Variants in SARNP observed in about 807,000 individuals in gnomAD.
The protein encoded by SARNP is SAP domain containing ribonucleoprotein, also known as SAP domain-containing ribonucleoprotein.
SARNP carries 5 observed loss-of-function variants against 38.1 expected under a neutral mutation model. The ratio of observed to expected loss-of-function variants is 0.13; its 90% CI spans 0.07 to 0.28. The LOEUF (loss-of-function observed/expected upper bound fraction) is 0.28. Among genes scored for constraint, SARNP ranks in the 10% least tolerant of loss-of-function variants. SARNP has a pLI of 1.00. For synonymous variants in SARNP, 84 were observed against 80.6 expected, an observed-to-expected ratio of 1.04 and a Z score of -0.23; for missense variants, 180 against 243.9, an observed-to-expected ratio of 0.74 and a Z score of 1.75.
intron 1 of SARNP, among the ~76,000 whole-genome samples, chr12:55,816,995 T>C (rs1880508918): frequency 1.3e-5 from 2 of 152,046 alleles, no homozygotes; most frequent in Non-Finnish European, 2.9e-5. Flanking sequence ...GGAGATGGTG[T>C]GTGAGGAAGG....
At chr12:55,785,643 C>T (rs182817143) in intron 9 of SARNP, among the ~76,000 whole-genome samples, 7 of 151,936 alleles carry the variant, frequency 4.6e-5, no homozygotes, top group East Asian at 1.9e-4. Context: ...GGCATGGTGG[C>T]GCACTCCCAT....
chr12:55,754,251 A>G (rs1878432770), downstream of SARNP: 1 of 152,198 alleles, frequency 6.6e-6, no homozygotes, highest in Non-Finnish European at 1.5e-5. Flanking sequence ...TTTGTTTCCT[A>G]TATTGAGAGA....
rs565117560 is a variant in SARNP, at chr12:55,757,558, AAAG to A, written c.592-8_592-6del. 12,630 of 1,607,792 alleles carry A rather than the reference AAAG, an allele frequency of 7.9e-3. 62 individuals are homozygous for A. Among genetic ancestry groups the A allele is most frequent in the Non-Finnish European group, 8.4e-3 (9,926 of 1,178,236 alleles). ...TGCTCTTTTCCTCTTCTTTGCCTGTAAAGAAGAAGCAAGAAGAAAAAAATTAGA... is the reference window on the plus strand; with the variant it reads ...TGCTCTTTTCCTCTTCTTTGCCTGTAAAGAAGCAAGAAGAAAAAAATTAGA... On this transcript the variant is annotated splice_polypyrimidine_tract_variant and splice_region_variant and intron_variant, in intron 10 of 10. Transcript: ENST00000336133.
intron 9 of SARNP, among the ~76,000 whole-genome samples, chr12:55,767,848 G>GAA (rs767928003): frequency 1.0e-3 from 36 of 35,346 alleles, no homozygotes; most frequent in East Asian, 1.6e-3. Flanking sequence ...CTCCCTCTCA[G>GAA]AAAAAAAAAA....
chr12:55,806,543 G>A (rs565799384), intron 1 of SARNP, among the ~76,000 whole-genome samples: 2 of 151,886 alleles, frequency 1.3e-5, no homozygotes, highest in South Asian at 4.2e-4. Context: ...CCAAAGTTCT[G>A]GGATTACAGG....
intron 9 of SARNP, among the ~76,000 whole-genome samples, chr12:55,788,740 C>CA: frequency 6.6e-6 from 1 of 152,066 alleles, no homozygotes; most frequent in South Asian, 2.1e-4. Context: ...GTCAAGCCTG[C>CA]AGTGAGCCGT....
chr12:55,797,827 C>G (rs1879863504), intron 4 of SARNP, among the ~76,000 whole-genome samples: 1 of 152,128 alleles, frequency 6.6e-6, no homozygotes, highest in Non-Finnish European at 1.5e-5. Flanking sequence ...ATACAGAGAC[C>G]CAGAATCTTT....
At chr12:55,776,222 T>C (rs570241424) in intron 9 of SARNP, among the ~76,000 whole-genome samples, 2 of 152,232 alleles carry the variant, frequency 1.3e-5, no homozygotes, top group Non-Finnish European at 2.9e-5. Flanking sequence ...GAGGACTCCT[T>C]GAGCCCAGGA....
At chr12:55,788,273 T>C (rs1250633031) in intron 9 of SARNP, among the ~76,000 whole-genome samples, 3 of 152,130 alleles carry the variant, frequency 2.0e-5, no homozygotes, top group African/African-American at 7.2e-5. Context: ...AACAAAGTCA[T>C]CTTGCTTAAT....
chr12:55,807,296 C>G (rs1880176721), intron 1 of SARNP, among the ~76,000 whole-genome samples: 1 of 152,182 alleles, frequency 6.6e-6, no homozygotes, highest in Non-Finnish European at 1.5e-5. Context: ...TAACCAGGAA[C>G]AGCTAGTTCA....
At chr12:55,811,043 C>T (rs1379734726) in intron 1 of SARNP, among the ~76,000 whole-genome samples, 1 of 150,714 alleles carries the variant, frequency 6.6e-6, no homozygotes, top group African/African-American at 2.4e-5. Context: ...GACCACGCCA[C>T]TGCACTCCAG....
intron 9 of SARNP, among the ~76,000 whole-genome samples, chr12:55,776,291 G>A (rs895605087): frequency 1.3e-5 from 2 of 152,080 alleles, no homozygotes; most frequent in African/African-American, 2.4e-5. Context: ...AAAATTAGCC[G>A]GGTGTGGTGG....
At position 55,814,992 on chromosome 12, in the gene SARNP, T is replaced by G. The variant is rs977350001; in HGVS notation, c.36+2674A>C. Among the ~76,000 whole-genome samples, 2 of 152,198 alleles carry G rather than the reference T, an allele frequency of 1.3e-5. 1 individual carries two copies. The highest frequency in any genetic ancestry group is 3.8e-4 in the East Asian group (2 of 5,204). The stretch of plus-strand genomic sequence containing the variant: ...GTTTCCTTCCTGCTTCAAAAGGTAT[T>G]CCCTTCCCCTGAGGTTCCATACCAA... On this transcript the variant is annotated intron_variant, in intron 1 of 10. Transcript: ENST00000336133.
intron 9 of SARNP, among the ~76,000 whole-genome samples, chr12:55,784,224 A>C (rs1262321132): frequency 2.0e-5 from 3 of 152,240 alleles, no homozygotes; most frequent in African/African-American, 7.2e-5. Flanking sequence ...AGAATTAAAC[A>C]ACCTAAAGAC....
chr12:55,788,725 G>A (rs1438540141), intron 9 of SARNP, among the ~76,000 whole-genome samples: 2 of 152,130 alleles, frequency 1.3e-5, no homozygotes, highest in African/African-American at 2.4e-5. Flanking sequence ...CCTGAGCCCA[G>A]GGAGGTCAAG....
rs75853173 is a variant in SARNP, at chr12:55,807,373, T to C, written c.37-3645A>G. Among the ~76,000 whole-genome samples, 24 of 152,242 alleles carry C rather than the reference T, an allele frequency of 1.6e-4. No individual in the cohort carries two copies. The East Asian group carries it at 4.6e-3, about 29-fold the overall frequency. On this transcript the variant is annotated intron_variant, in intron 1 of 10. Transcript: ENST00000336133. ...CATTATAAGTGATCTTTAATGTCCA[T>C]TTATTAAGTAACAATCTTGATCTTG...
At chr12:55,802,283 C>A (rs1592578773) in intron 2 of SARNP, among the ~76,000 whole-genome samples, 2 of 151,760 alleles carry the variant, frequency 1.3e-5, no homozygotes, top group Admixed American at 1.3e-4. Flanking sequence ...GGCATATACC[C>A]CAAAAAGACT....
chr12:55,758,517 C>G (rs766007203), intron 10 of SARNP, among the ~76,000 whole-genome samples: 9 of 152,082 alleles, frequency 5.9e-5, no homozygotes, highest in Non-Finnish European at 1.3e-4. Context: ...TGGTGGCACA[C>G]GCCTGTAATC....
chr12:55,760,467 G>A, intron 10 of SARNP, 84 bp downstream of exon 10: 1 of 796,604 alleles, frequency 1.3e-6, no homozygotes, highest in Non-Finnish European at 2.2e-6. Context: ...TAAATAAATA[G>A]GTGGGGAAAC....
Sources: gnomAD v4.1 joint callset for allele counts (sites outside exome capture counted in the v4.1 genomes callset) on GRCh38, gnomAD v4.1.1 for gene constraint, MANE v1.5 for transcripts, NCBI Gene and HGNC (gene_info 2026-07-23, HGNC 2026-07-21) for gene names.